CNKSR1: variants seen among roughly 807,000 people sequenced by gnomAD.
CNKSR1 encodes CNK homolog protein 1.
A neutral mutation model predicts 95.6 loss-of-function variants in CNKSR1; 88 were observed. The observed-to-expected ratio is 0.92, with a 90% confidence interval of 0.78 to 1.10. The LOEUF (loss-of-function observed/expected upper bound fraction) is 1.10. CNKSR1 is among the 50% of genes least tolerant of loss of function. The pLI is 0.00. For synonymous variants in CNKSR1, 355 were observed against 369.7 expected (o/e 0.96, Z 0.46); for missense variants, 836 against 912.0 (o/e 0.92, Z 1.07).
At chr1:26,181,007 T>C (rs534312263) in intron 3 of CNKSR1, 111 bp downstream of exon 3, 2 of 1,386,638 alleles carry the variant, frequency 1.4e-6, no homozygotes, top group East Asian at 4.6e-5. Context: ...GAGCCAGGCG[T>C]GGTGGCTTAG....
At position 26,188,769 on chromosome 1, in the gene CNKSR1, C is replaced by A. The variant is rs1264851893; in HGVS notation, c.1691-3C>A. ...ATCCTCATCCTGCTCTTCCCTCCCA[C>A]AGACAGCAGTGAAGAGGCACTGGAA... On this transcript the variant is annotated splice_region_variant and splice_polypyrimidine_tract_variant and intron_variant, in intron 19 of 20. Coordinates refer to ENST00000361530, the MANE Select transcript of CNKSR1 (RefSeq NM_006314.3). The A allele has an allele frequency of 6.2e-7, 1 of 1,609,640 alleles. No homozygotes were observed. Among genetic ancestry groups the A allele is most frequent in the Non-Finnish European group, 8.5e-7 (1 of 1,176,870 alleles).
intron 1 of CNKSR1, among the ~76,000 whole-genome samples, chr1:26,179,483 T>A (rs1303102660): frequency 6.6e-6 from 1 of 152,140 alleles, no homozygotes; most frequent in Non-Finnish European, 1.5e-5. Flanking sequence ...ATCTGAAATG[T>A]TGAGTTTAGG....
chr1:26,183,977 C>T, intron 9 of CNKSR1, 94 bp from the exon 10 acceptor site: 1 of 715,960 alleles, frequency 1.4e-6, no homozygotes, highest in East Asian at 2.8e-5. Flanking sequence ...GACCCCCCCA[C>T]AGGTACCTGC....
chr1:26,187,069 CT>C, intron 14 of CNKSR1, 98 bp from the exon 15 acceptor site: 1 of 871,490 alleles, frequency 1.1e-6, no homozygotes, highest in East Asian at 2.4e-5. Context: ...ATGCCTTCTC[CT>C]CTCCACAACT....
chr1:26,188,213 A>G (rs374993052), intron 16 of CNKSR1, 21 bp from the exon 17 acceptor site: 2 of 1,611,894 alleles, frequency 1.2e-6, no homozygotes, highest in African/African-American at 2.7e-5. Context: ...AAACCCTGTG[A>G]GACCTGCTTG....
At position 26,183,403 on chromosome 1, in the gene CNKSR1, G is replaced by C; in HGVS notation, c.742G>C (p.Glu248Gln). ...TGGAGACGAGGTTGTCCAGATCAACGAGCAGGTGGTGGTGCGTGAGGAGAG... is the reference window on the plus strand; with the variant it reads ...TGGAGACGAGGTTGTCCAGATCAACCAGCAGGTGGTGGTGCGTGAGGAGAG... ...QPGDEVVQIN[E>Q]QVVVGWPRKN... The change falls in exon 8 of 21, where the codon GAG becomes CAG. Residue 248 changes from glutamate to glutamine, a missense_variant. Glu to Gln is a conservative substitution (Grantham distance 29, BLOSUM62 2). Coordinates refer to ENST00000361530, the MANE Select transcript of CNKSR1 (RefSeq NM_006314.3). 6.2e-7 allele frequency: 1 copy of C among 1,614,138 alleles called. No individual in the cohort carries two copies. Among genetic ancestry groups the C allele is most frequent in the Non-Finnish European group, 8.5e-7 (1 of 1,180,028 alleles).
In CNKSR1 at chr1:26,188,660, A is replaced by C; in HGVS notation, c.1653A>C (p.Thr551=). The change falls in exon 19 of 21, where the codon ACA becomes ACC. Residue 551 remains threonine, a synonymous_variant. Coordinates refer to ENST00000361530, the MANE Select transcript of CNKSR1 (RefSeq NM_006314.3). ...HGDTSPAATP[T]QRSPRTSFGS... is the part of the protein sequence containing the mutation. Reference sequence around the variant, plus strand: ...ACACATCACCTGCAGCCACCCCCACACAGCGCAGCCCACGGACCTCCTTTG... The same window carrying C: ...ACACATCACCTGCAGCCACCCCCACCCAGCGCAGCCCACGGACCTCCTTTG... 1.2e-6 allele frequency: 2 copies of C among 1,613,870 alleles called. No individual in the cohort carries two copies. The highest frequency in any genetic ancestry group is 2.7e-5 in the African/African-American group (2 of 75,036).
Position 26,187,309 on chromosome 1 carries a change from C to G in CNKSR1, c.1382+68C>G, listed in dbSNP as rs944536986. 3.2e-6 allele frequency: 5 copies of G among 1,584,814 alleles called. No homozygotes were observed. The African/African-American group carries it at 6.7e-5, about 21-fold the overall frequency. On this transcript the variant is annotated intron_variant, in intron 15 of 20. Transcript: ENST00000361530. ...AGGGAGAGGAAGGGTGATGGGGTAG[C>G]AGTGGGAGGTGTGGCAAGTGGCTGG...
At chr1:26,182,738 G>A (rs1026819324) in intron 6 of CNKSR1, among the ~76,000 whole-genome samples, 154 bp downstream of exon 6, 5 of 152,212 alleles carry the variant, frequency 3.3e-5, no homozygotes, top group African/African-American at 4.8e-5. Context: ...GGATTGGCCA[G>A]GGTCTCCCGT....
chr1:26,185,094 C>T lies in CNKSR1; in HGVS notation c.1216C>T (p.Arg406Ter), dbSNP rs558659208. 30 of 1,605,064 alleles carry T rather than the reference C, an allele frequency of 1.9e-5. No homozygotes were observed. Among genetic ancestry groups the T allele is most frequent in the South Asian group, 1.1e-4 (10 of 89,822 alleles). ...RPDCDGWLLLRKAPGGFMGPR... is the reference protein window; with the variant it reads ...RPDCDGWLLL ...GGACTGTGACGGCTGGCTCCTGTTG[C>T]GAAAGGCACCGGGCGGCTTCATGGG... Residue 406 changes from arginine to a stop codon, truncating the protein, a stop_gained, in exon 14 of 21, where the codon CGA (arginine) becomes TGA (stop). Coordinates refer to ENST00000361530, the MANE Select transcript of CNKSR1 (RefSeq NM_006314.3). LOFTEE classifies it high-confidence loss of function.
At position 26,189,154 on chromosome 1, in the gene CNKSR1, G is replaced by C; in HGVS notation, c.1873-125G>C. The C allele has an allele frequency of 2.2e-6, 3 of 1,345,446 alleles. No individual in the cohort carries two copies. In the East Asian group the frequency reaches 6.9e-5, roughly 31 times the overall value. The allele number at this position is 1,345,446 out of a possible 1,614,324, so 83.3% of individuals were successfully genotyped here. On this transcript the variant is annotated intron_variant, in intron 20 of 20. Coordinates refer to ENST00000361530, the MANE Select transcript of CNKSR1 (RefSeq NM_006314.3). The stretch of plus-strand genomic sequence containing the variant: ...GAGTGGGGATTTGAGTCTCACCTAG[G>C]CTCCTCGTGCCACGCTGGCCAGGTG...
At chr1:26,184,977 A>G in intron 13 of CNKSR1, 37 bp from the exon 14 acceptor site, 1 of 1,557,152 alleles carries the variant, frequency 6.4e-7, no homozygotes, top group Admixed American at 1.9e-5. Context: ...GCACCTTGCC[A>G]GCCCCTCACT....
Position 26,185,162 on chromosome 1 carries a change from G to A in CNKSR1, c.1284G>A (p.Thr428=), listed in dbSNP as rs780434128. 5.1e-6 allele frequency: 8 copies of A among 1,562,370 alleles called. No homozygotes were observed. In the Admixed American group the frequency reaches 5.7e-5, roughly 11 times the overall value. The change falls in exon 14 of 21, where the codon ACG becomes ACA. Residue 428 remains threonine (T), a synonymous_variant. Transcript: ENST00000361530. ...RRRWFVLKGH[T]LYWYRQPQDE... Reference sequence around the variant, plus strand: ...GCTGGTTTGTGCTCAAGGGACACACGCTCTACTGGTACCGCCAGCCCCAGG... The same window carrying A: ...GCTGGTTTGTGCTCAAGGGACACACACTCTACTGGTACCGCCAGCCCCAGG...
chr1:26,184,307 G>C lies in CNKSR1; in HGVS notation c.1000+20G>C. 6.2e-7 allele frequency: 1 copy of C among 1,612,652 alleles called. No individual in the cohort carries two copies. The highest frequency in any genetic ancestry group is 1.7e-4 in the Middle Eastern group (1 of 6,058). On this transcript the variant is annotated intron_variant, in intron 11 of 20. Transcript: ENST00000361530. Reference sequence around the variant, plus strand: ...GGACAGGTAGTCTCAAAGCTCCATGGATGCCCCGGACACGGCATCTGGGCA... The same window carrying C: ...GGACAGGTAGTCTCAAAGCTCCATGCATGCCCCGGACACGGCATCTGGGCA...
Position 26,188,490 on chromosome 1 carries a change from CCCACTCAGCCTCG to C in CNKSR1, c.1578_1590del (p.His527ProfsTer32). On this transcript the variant is annotated frameshift_variant and splice_region_variant, in exon 18 of 21. Coordinates refer to ENST00000361530, the MANE Select transcript of CNKSR1 (RefSeq NM_006314.3). LOFTEE classifies it high-confidence loss of function. ...GAGGACCCGGACGATGAGGCTGGGT[CCCACTCAGCCTCG>C]GTGAGTGGGGGGCTGCCGGGGGTAG... 1.9e-6 allele frequency: 3 copies of C among 1,604,208 alleles called. No homozygotes were observed. Among genetic ancestry groups the C allele is most frequent in the Non-Finnish European group, 2.6e-6 (3 of 1,175,678 alleles).
At chr1:26,180,348 C>T (rs2088622667) in intron 1 of CNKSR1, 105 bp from the exon 2 acceptor site, 10 of 1,399,554 alleles carry the variant, frequency 7.1e-6, no homozygotes, top group Middle Eastern at 4.9e-4. Context: ...TCAGAGTTGT[C>T]ATTAGGGTTA....
At position 26,184,486 on chromosome 1, in the gene CNKSR1, G is replaced by T. The variant is rs780698052; in HGVS notation, c.1086G>T (p.Gly362=). 1.9e-6 allele frequency: 3 copies of T among 1,612,508 alleles called. No homozygotes were observed. Among genetic ancestry groups the T allele is most frequent in the Non-Finnish European group, 2.5e-6 (3 of 1,179,446 alleles). ...CAGCAGGGGTAGCAGGGACTCCAGGGCTCCCTGAATCCCCTGACAAGGTAA... is the reference window on the plus strand; with the variant it reads ...CAGCAGGGGTAGCAGGGACTCCAGGTCTCCCTGAATCCCCTGACAAGGTAA... ...ILPAGVAGTP[G]LPESPDKSPV... is the part of the protein sequence containing the mutation. The change falls in exon 12 of 21, where the codon GGG becomes GGT. Residue 362 remains glycine (G), a synonymous_variant. Transcript: ENST00000361530.
At chr1:26,186,567 C>T (rs2124514817) in intron 14 of CNKSR1, among the ~76,000 whole-genome samples, 1 of 152,328 alleles carries the variant, frequency 6.6e-6, no homozygotes, top group East Asian at 1.9e-4. Flanking sequence ...CTTTTCCTCC[C>T]AGGTTCGAGC....
intron 13 of CNKSR1, 134 bp downstream of exon 13, chr1:26,184,746 C>A: frequency 8.8e-7 from 1 of 1,138,672 alleles, no homozygotes; most frequent in Non-Finnish European, 1.3e-6. Context: ...TAGGGTCAGA[C>A]AGAGCTGTGC....
Sources: allele counts gnomAD v4.1 joint callset (sites outside exome capture counted in the v4.1 genomes callset), GRCh38; gene constraint gnomAD v4.1.1; transcripts MANE v1.5; gene names NCBI Gene and HGNC (gene_info 2026-07-23, HGNC 2026-07-21).